The following CACNA2D3 variants were observed in gnomAD, a reference collection of about 807,000 sequenced individuals.
The protein encoded by CACNA2D3 is calcium voltage-gated channel auxiliary subunit alpha2delta 3, also known as voltage-dependent calcium channel subunit alpha-2/delta-3.
In CACNA2D3, 60 loss-of-function variants were observed where a neutral mutation model predicts 160.6. That is an observed-to-expected ratio of 0.37 (90% confidence interval 0.30 to 0.46). The LOEUF (loss-of-function observed/expected upper bound fraction) is 0.46, where lower values mean the gene tolerates loss of function less well. Among genes scored for constraint, CACNA2D3 ranks in the 20% least tolerant of loss-of-function variants. CACNA2D3 has a pLI of 1.00. For missense variants in CACNA2D3, 1,205 were observed against 1,365.0 expected, an observed-to-expected ratio of 0.88 and a Z score of 1.85; for synonymous variants, 558 against 492.9, an observed-to-expected ratio of 1.13 and a Z score of -1.75.
chr3:54,288,669 C>T (rs1703100474), intron 2 of CACNA2D3, among the ~76,000 whole-genome samples: 1 of 152,096 alleles, frequency 6.6e-6, no homozygotes, highest in Non-Finnish European at 1.5e-5. Context: ...TGCAAATATC[C>T]TCAATCAAAT....
chr3:55,019,984 A>T (rs1703411138), intron 35 of CACNA2D3, among the ~76,000 whole-genome samples: 1 of 152,142 alleles, frequency 6.6e-6, no homozygotes, highest in Non-Finnish European at 1.5e-5. Flanking sequence ...CATCACTATT[A>T]ATTCCATAAT....
chr3:54,995,086 G>A (rs780244164), intron 31 of CACNA2D3, among the ~76,000 whole-genome samples: 20 of 152,008 alleles, frequency 1.3e-4, no homozygotes, highest in African/African-American at 2.2e-4. Flanking sequence ...CGATTTTCCT[G>A]CCTCTACCTC....
In CACNA2D3 at chr3:54,139,982, G is replaced by A. The variant is rs188160768; in HGVS notation, c.204+16388G>A. On this transcript the variant is annotated intron_variant, in intron 2 of 37. Transcript: ENST00000474759. ...AAGCTGGCCGTGGGTTCGAATCCTGGCTCCACCAGTGGCTTAAAGCAGTTT... is the reference window on the plus strand; with the variant it reads ...AAGCTGGCCGTGGGTTCGAATCCTGACTCCACCAGTGGCTTAAAGCAGTTT... 5.9e-3 allele frequency among the ~76,000 whole-genome samples: 903 copies of A among 152,292 alleles called. 4 individuals are homozygous for A. The highest frequency in any genetic ancestry group is 9.8e-3 in the Non-Finnish European group (669 of 68,014).
intron 13 of CACNA2D3, among the ~76,000 whole-genome samples, chr3:54,785,091 G>C (rs1234024431): frequency 6.6e-6 from 1 of 152,194 alleles, no homozygotes; most frequent in African/African-American, 2.4e-5. Flanking sequence ...CCTTCCGCAG[G>C]ACCACAGTAG....
rs1194708676 is a variant in CACNA2D3, at chr3:54,809,364, T to C, written c.1381-7489T>C. On this transcript the variant is annotated intron_variant, in intron 13 of 37. Transcript: ENST00000474759. ...TCTCGCTCTGTCGCCCAGGTCGGACTGCGGACTGCAGTGGCGCAATCTCGG... is the reference window on the plus strand; with the variant it reads ...TCTCGCTCTGTCGCCCAGGTCGGACCGCGGACTGCAGTGGCGCAATCTCGG... 1.6e-5 allele frequency among the ~76,000 whole-genome samples: 2 copies of C among 122,308 alleles called. 1 individual carries two copies. Among genetic ancestry groups the C allele is most frequent in the African/African-American group, 7.3e-5 (2 of 27,576 alleles). The allele number at this position is 122,308 out of a possible 152,430, so 80.2% of individuals were successfully genotyped here. A position where few individuals can be genotyped will look rare whatever the true frequency, so the allele number is the denominator to read the frequency against.
chr3:54,764,119 G>A, intron 12 of CACNA2D3, 99 bp from the exon 13 acceptor site: 1 of 1,326,788 alleles, frequency 7.5e-7, no homozygotes, highest in Non-Finnish European at 1.0e-6. Context: ...AAAAAAGAAG[G>A]AAACTAGCTA....
At chr3:54,428,300 A>G (rs1251541811) in intron 4 of CACNA2D3, among the ~76,000 whole-genome samples, 3 of 152,242 alleles carry the variant, frequency 2.0e-5, no homozygotes, top group Non-Finnish European at 4.4e-5. Flanking sequence ...AGTTTCTTCC[A>G]TGTTCATATC....
intron 2 of CACNA2D3, among the ~76,000 whole-genome samples, chr3:54,298,913 A>C (rs1029763975): frequency 7.3e-6 from 1 of 137,236 alleles, no homozygotes; most frequent in African/African-American, 2.8e-5. Flanking sequence ...ACTGCACTCC[A>C]GCCTGAGCAA....
chr3:54,688,635 A>G (rs912056479), intron 11 of CACNA2D3, among the ~76,000 whole-genome samples: 5 of 151,928 alleles, frequency 3.3e-5, no homozygotes, highest in Admixed American at 1.3e-4. Flanking sequence ...GAATGAGGTC[A>G]TACACATAAA....
At chr3:54,676,494 AGGGGTGTGTGCT>A (rs1449366319) in intron 11 of CACNA2D3, among the ~76,000 whole-genome samples, 1 of 152,108 alleles carries the variant, frequency 6.6e-6, no homozygotes, top group Non-Finnish European at 1.5e-5. Flanking sequence ...GGTTGTATGC[AGGGGTGTGTGCT>A]GGGCCCCTAC....
intron 34 of CACNA2D3, among the ~76,000 whole-genome samples, chr3:55,015,796 A>G (rs1441072628): frequency 6.6e-6 from 1 of 152,190 alleles, no homozygotes; most frequent in Non-Finnish European, 1.5e-5. Flanking sequence ...AGTGAAAAAG[A>G]TAGAAAGGTG....
intron 18 of CACNA2D3, chr3:54,874,958 A>C (rs1421128903): frequency 6.6e-6 from 1 of 152,142 alleles, no homozygotes; most frequent in Non-Finnish European, 1.5e-5. Context: ...TGCCCCATAG[A>C]TGCTGCTTTG....
chr3:54,728,163 C>A (rs1701313101), intron 11 of CACNA2D3, among the ~76,000 whole-genome samples: 1 of 151,636 alleles, frequency 6.6e-6, no homozygotes, highest in African/African-American at 2.4e-5. Flanking sequence ...TCACTTCCTC[C>A]AAATATTTCC....
Position 54,570,096 on chromosome 3 carries a change from A to G in CACNA2D3, c.880A>G (p.Ile294Val), listed in dbSNP as rs532692490. The G allele has an allele frequency of 9.3e-6, 15 of 1,613,162 alleles. No homozygotes were observed. The South Asian group carries it at 1.2e-4, about 13-fold the overall frequency. The change falls in exon 8 of 38, where the codon ATA becomes GTA. Residue 294 changes from isoleucine (I) to valine (V), a missense_variant. Coordinates refer to ENST00000474759, the MANE Select transcript of CACNA2D3 (RefSeq NM_018398.3). ...ACTTGGGGATGATGACTTCTTCAAC[A>G]TAATTGCTGTGAGTGCACCGTTTTG... ...DTLGDDDFFNIIAYNEELHYV... is the reference protein window; with the variant it reads ...DTLGDDDFFNVIAYNEELHYV...
intron 11 of CACNA2D3, among the ~76,000 whole-genome samples, chr3:54,665,789 A>AT (rs535697929): frequency 0.037 from 4,951 of 134,680 alleles, 193 homozygotes; most frequent in African/African-American, 0.1. Flanking sequence ...GAGGATGGTT[A>AT]TTTTTTTTTT....
At chr3:54,162,887 G>A (rs993211019) in intron 2 of CACNA2D3, among the ~76,000 whole-genome samples, 3 of 152,208 alleles carry the variant, frequency 2.0e-5, no homozygotes, top group Non-Finnish European at 1.5e-5. Flanking sequence ...GTAATTTCAG[G>A]TAGTAAGTGG....
At chr3:54,588,599 A>G (rs1702804986) in intron 9 of CACNA2D3, among the ~76,000 whole-genome samples, 1 of 152,152 alleles carries the variant, frequency 6.6e-6, no homozygotes, top group Admixed American at 6.5e-5. Context: ...AAGAGAGCTC[A>G]GTAAGGTCAC....
chr3:54,695,312 C>G (rs1248440656), intron 11 of CACNA2D3, among the ~76,000 whole-genome samples: 1 of 152,056 alleles, frequency 6.6e-6, no homozygotes, highest in African/African-American at 2.4e-5. Flanking sequence ...GCCACCACAC[C>G]TGGCTGAAAA....
intron 4 of CACNA2D3, among the ~76,000 whole-genome samples, chr3:54,441,039 C>G (rs1403007416): frequency 6.6e-6 from 1 of 152,014 alleles, no homozygotes; most frequent in African/African-American, 2.4e-5. Context: ...ATTTCTAGTT[C>G]TAGATCCCTG....
Sources: allele counts gnomAD v4.1 joint callset (sites outside exome capture counted in the v4.1 genomes callset), GRCh38; gene constraint gnomAD v4.1.1; transcripts MANE v1.5; gene names NCBI Gene and HGNC (gene_info 2026-07-23, HGNC 2026-07-21).